Variants in BRI3 observed in about 807,000 individuals in gnomAD.
BRI3 encodes membrane protein BRI3.
Under a neutral mutation model 12.8 loss-of-function variants are expected in BRI3, and 6 were observed. The ratio of observed to expected loss-of-function variants is 0.47; its 90% CI spans 0.26 to 0.93. The LOEUF (loss-of-function observed/expected upper bound fraction) is 0.93, where lower values mean the gene tolerates loss of function less well. BRI3 is among the 40% of genes least tolerant of loss of function. BRI3 has a pLI of 0.15. For synonymous variants in BRI3, 91 were observed against 76.1 expected, an observed-to-expected ratio of 1.20 and a Z score of -1.02; for missense variants, 134 against 171.1, an observed-to-expected ratio of 0.78 and a Z score of 1.21.
At chr7:98,314,702 T>G (rs756433714), downstream of BRI3, among the ~76,000 whole-genome samples, 1 of 151,832 alleles carries the variant, frequency 6.6e-6, no homozygotes, top group Admixed American at 6.6e-5. Context: ...TGGGGGCCCG[T>G]GGGCTGGGGC....
chr7:98,319,972 G>T, the BRI3 span: 2 of 1,055,624 alleles, frequency 1.9e-6, no homozygotes, highest in Non-Finnish European at 2.9e-6. Flanking sequence ...GTCTGCTGCT[G>T]ATGAGTCAAC....
At chr7:98,307,563 G>C in exon 2 of BRI3, 1 of 1,486,898 alleles carries the variant, frequency 6.7e-7, no homozygotes, top group Non-Finnish European at 8.9e-7. Flanking sequence ...AACTAAACTA[G>C]AACTAAACCA....
At chr7:98,284,378 G>C (rs1376582108) in intron 2 of BRI3, among the ~76,000 whole-genome samples, 2 of 152,234 alleles carry the variant, frequency 1.3e-5, no homozygotes, top group Non-Finnish European at 2.9e-5. Context: ...CATTGGGCAT[G>C]GGATGGGCCC....
the BRI3 span, chr7:98,317,170 T>C: frequency 6.2e-7 from 1 of 1,612,638 alleles, no homozygotes; most frequent in Non-Finnish European, 8.5e-7. Context: ...TCTTAAACTG[T>C]GCAAATTGTC....
At chr7:98,301,664 T>G (rs894532114), upstream of BRI3, among the ~76,000 whole-genome samples, 3 of 151,512 alleles carry the variant, frequency 2.0e-5, no homozygotes, top group African/African-American at 7.3e-5. Flanking sequence ...AAGATGATGG[T>G]GTGTGTGTGT....
At chr7:98,317,434 C>T in the BRI3 span, 3 of 1,555,646 alleles carry the variant, frequency 1.9e-6, no homozygotes, top group East Asian at 2.2e-5. Context: ...CTCACACTTC[C>T]ACTGTGTGTG....
chr7:98,314,448 A>C (rs1800996069), downstream of BRI3, among the ~76,000 whole-genome samples: 2 of 152,240 alleles, frequency 1.3e-5, no homozygotes, highest in African/African-American at 4.8e-5. Flanking sequence ...TATGAACAAC[A>C]ATGAATTTCT....
chr7:98,293,222 A>C, downstream of BRI3: 1 of 325,816 alleles, frequency 3.1e-6, no homozygotes. Context: ...ATTAAGGAAA[A>C]AATTCATTTA....
upstream of BRI3, chr7:98,306,429 T>G: frequency 6.2e-7 from 1 of 1,614,126 alleles, no homozygotes; most frequent in Non-Finnish European, 8.5e-7. Context: ...TCAGCCACGT[T>G]CAGGGCTACC....
upstream of BRI3, among the ~76,000 whole-genome samples, chr7:98,302,065 C>T (rs1442143198): frequency 1.3e-5 from 2 of 152,210 alleles, no homozygotes; most frequent in African/African-American, 2.4e-5. Flanking sequence ...GACAGAATGT[C>T]ATGATCCAGC....
downstream of BRI3, chr7:98,312,174 C>T (rs962262018): frequency 1.3e-5 from 21 of 1,613,882 alleles, no homozygotes; most frequent in South Asian, 4.4e-5. Context: ...TTTATTTCTT[C>T]GATCATATTC....
chr7:98,282,301 G>C, intron 1 of BRI3, 50 bp from the exon 2 acceptor site: 1 of 1,461,882 alleles, frequency 6.8e-7, no homozygotes, highest in South Asian at 1.1e-5. Context: ...TCCCCGTGGC[G>C]GTCCGATTTC....
chr7:98,311,022 A>G (rs1800849658), downstream of BRI3, among the ~76,000 whole-genome samples: 1 of 152,034 alleles, frequency 6.6e-6, no homozygotes, highest in African/African-American at 2.4e-5. Flanking sequence ...GAAAGAGTGG[A>G]TCCATGTGTT....
At chr7:98,304,183 C>T (rs370070669), upstream of BRI3, 19 of 1,563,604 alleles carry the variant, frequency 1.2e-5, no homozygotes, top group African/African-American at 1.1e-4. Flanking sequence ...CGCCCTGCTG[C>T]GGCTTTACTC....
intron 1 of BRI3, among the ~76,000 whole-genome samples, chr7:98,300,711 G>A (rs1332081503): frequency 6.6e-6 from 1 of 152,114 alleles, no homozygotes; most frequent in Non-Finnish European, 1.5e-5. Flanking sequence ...TGCGAAGGGT[G>A]TGAAGGTACG....
At chr7:98,319,686 A>G in the BRI3 span, among the ~76,000 whole-genome samples, 262 of 151,964 alleles carry the variant, frequency 1.7e-3, 1 homozygote, top group African/African-American at 6.2e-3. Context: ...AGCTGGGATG[A>G]CAGGCATGCA....
intron 2 of BRI3, among the ~76,000 whole-genome samples, chr7:98,284,093 C>G (rs1162855585): frequency 6.6e-6 from 1 of 152,180 alleles, no homozygotes; most frequent in Non-Finnish European, 1.5e-5. Flanking sequence ...TGGGCTCGGC[C>G]CTCAGAGGCT....
the BRI3 span, chr7:98,320,100 A>G: frequency 1.1e-5 from 18 of 1,613,310 alleles, no homozygotes; most frequent in Non-Finnish European, 8.5e-7. Flanking sequence ...TCTCCAGCTC[A>G]TGGATAATCT....
chr7:98,308,151 C>G (rs777381442), exon 2 of BRI3: 1 of 624,456 alleles, frequency 1.6e-6, no homozygotes, highest in East Asian at 3.4e-5. Context: ...GGCTCTTTTC[C>G]AGGCCCAAGG....
Sources: allele counts gnomAD v4.1 joint callset (sites outside exome capture counted in the v4.1 genomes callset), GRCh38; gene constraint gnomAD v4.1.1; transcripts MANE v1.5; gene names NCBI Gene and HGNC (gene_info 2026-07-23, HGNC 2026-07-21).